POFUT3: variants seen among roughly 807,000 people sequenced by gnomAD.
POFUT3 encodes the protein GDP-fucose protein O-fucosyltransferase 3.
At chr8:33,405,599 G>A in the POFUT3 span, among the ~76,000 whole-genome samples, 2 of 152,158 alleles carry the variant, frequency 1.3e-5, no homozygotes, top group African/African-American at 2.4e-5. Flanking sequence ...TGGTATGAAA[G>A]AGATCTTTTA....
At chr8:33,419,401 T>A in the POFUT3 span, among the ~76,000 whole-genome samples, 1 of 152,254 alleles carries the variant, frequency 6.6e-6, no homozygotes, top group Non-Finnish European at 1.5e-5. Context: ...AGGCATTAGA[T>A]AGATACTCAC....
the POFUT3 span, among the ~76,000 whole-genome samples, chr8:33,311,859 T>C: frequency 6.6e-6 from 1 of 152,170 alleles, no homozygotes; most frequent in Non-Finnish European, 1.5e-5. Flanking sequence ...CAACTCCCAA[T>C]ACCTGTGAAC....
chr8:33,374,205 C>T, the POFUT3 span, among the ~76,000 whole-genome samples: 1 of 152,190 alleles, frequency 6.6e-6, no homozygotes, highest in Non-Finnish European at 1.5e-5. Context: ...TAATCCCCCA[C>T]CCACCTACCG....
chr8:33,425,462 G>A, the POFUT3 span, among the ~76,000 whole-genome samples: 1 of 151,928 alleles, frequency 6.6e-6, no homozygotes, highest in Non-Finnish European at 1.5e-5. Flanking sequence ...AAGGATGAGT[G>A]GAATAAACAG....
At chr8:33,455,216 T>G in the POFUT3 span, among the ~76,000 whole-genome samples, 1 of 152,202 alleles carries the variant, frequency 6.6e-6, no homozygotes, top group Non-Finnish European at 1.5e-5. Flanking sequence ...GGCTTCCACT[T>G]ACTCCCACTT....
the POFUT3 span, among the ~76,000 whole-genome samples, chr8:33,312,304 T>C: frequency 2.7e-5 from 4 of 149,016 alleles, no homozygotes; most frequent in South Asian, 2.1e-4. Flanking sequence ...AGAGAGAAAT[T>C]TGGACATAGA....
chr8:33,377,892 G>A, the POFUT3 span, among the ~76,000 whole-genome samples: 3 of 152,324 alleles, frequency 2.0e-5, no homozygotes, highest in East Asian at 5.8e-4. Context: ...TCCAGAGGGT[G>A]ACAAAGCCCC....
chr8:33,388,329 CTTTTTTTTTTTT>C, the POFUT3 span, among the ~76,000 whole-genome samples: 3 of 83,876 alleles, frequency 3.6e-5, no homozygotes, highest in South Asian at 1.2e-3. Flanking sequence ...AAGCAGAACT[CTTTTTTTTTTTT>C]TTTTTTTTTT....
chr8:33,316,576 G>A, the POFUT3 span, among the ~76,000 whole-genome samples: 4 of 66,858 alleles, frequency 6.0e-5, no homozygotes, highest in Non-Finnish European at 8.9e-5. Context: ...CAAAAAAAAA[G>A]AAAGAAAGAA....
chr8:33,413,890 T>C, the POFUT3 span, among the ~76,000 whole-genome samples: 389 of 152,290 alleles, frequency 2.6e-3, 9 homozygotes, highest in Admixed American at 0.024. Flanking sequence ...TGACTTATTA[T>C]CTGTAAGTAT....
chr8:33,309,376 T>TGTGTGTGTGTGTGTGTGTGTG, the POFUT3 span, among the ~76,000 whole-genome samples: 1 of 147,236 alleles, frequency 6.8e-6, no homozygotes, highest in African/African-American at 2.6e-5. Context: ...TGTGTGTGTG[T>TGTGTGTGTGTGTGTGTGTGTG]TTTTCTCCCC....
the POFUT3 span, among the ~76,000 whole-genome samples, chr8:33,406,263 A>C: frequency 5.3e-5 from 8 of 152,182 alleles, no homozygotes; most frequent in African/African-American, 1.9e-4. Context: ...ATCCACTTAA[A>C]TGGAAAAACA....
the POFUT3 span, among the ~76,000 whole-genome samples, chr8:33,414,369 T>C: frequency 1.3e-5 from 2 of 152,266 alleles, no homozygotes; most frequent in Non-Finnish European, 2.9e-5. Flanking sequence ...AGTTCATTCA[T>C]TCCTCCTAAA....
At chr8:33,468,255 AAAGAAG>A in the POFUT3 span, among the ~76,000 whole-genome samples, 1 of 131,300 alleles carries the variant, frequency 7.6e-6, no homozygotes, top group East Asian at 2.1e-4. Context: ...AAAAAAAAAA[AAAGAAG>A]AAGAAGAAGA....
chr8:33,395,933 G>A, the POFUT3 span, among the ~76,000 whole-genome samples: 3 of 152,172 alleles, frequency 2.0e-5, no homozygotes, highest in Non-Finnish European at 4.4e-5. Flanking sequence ...GGCCCACAAG[G>A]AAGTCACGGG....
the POFUT3 span, among the ~76,000 whole-genome samples, chr8:33,440,373 T>TA: frequency 2.0e-5 from 3 of 151,930 alleles, no homozygotes; most frequent in Non-Finnish European, 4.4e-5. Context: ...AGAAACTAAT[T>TA]AATTAATTAA....
chr8:33,348,603 T>C, the POFUT3 span, among the ~76,000 whole-genome samples: 1 of 152,128 alleles, frequency 6.6e-6, no homozygotes, highest in Non-Finnish European at 1.5e-5. Context: ...AAATATGTAA[T>C]GAAAGAAGAA....
chr8:33,336,742 A>G, the POFUT3 span, among the ~76,000 whole-genome samples: 2 of 152,210 alleles, frequency 1.3e-5, no homozygotes, highest in Non-Finnish European at 2.9e-5. Context: ...AATTCCTGAT[A>G]TGGAGAACTG....
At chr8:33,350,416 C>T in the POFUT3 span, among the ~76,000 whole-genome samples, 5 of 152,106 alleles carry the variant, frequency 3.3e-5, no homozygotes, top group Non-Finnish European at 7.3e-5. Context: ...CCCTAAGGGA[C>T]AAGGATGAGT....
Sources: allele counts gnomAD v4.1 joint callset (sites outside exome capture counted in the v4.1 genomes callset), GRCh38; gene constraint gnomAD v4.1.1; transcripts MANE v1.5; gene names NCBI Gene and HGNC (gene_info 2026-07-23, HGNC 2026-07-21).